The following PLPP3 variants were observed in gnomAD, a reference collection of about 807,000 sequenced individuals.
PLPP3 encodes the protein PAP2 beta.
PLPP3 carries 6 observed loss-of-function variants against 29.6 expected under a neutral mutation model. The ratio of observed to expected loss-of-function variants is 0.20; its 90% CI spans 0.11 to 0.40. The LOEUF is 0.40. Ranked by LOEUF, PLPP3 falls within the 10% of genes least tolerant of loss-of-function variation. PLPP3 has a pLI of 1.00. For synonymous variants in PLPP3, 152 were observed against 159.7 expected (o/e 0.95, Z 0.36); for missense variants, 308 against 407.7 (o/e 0.76, Z 2.11).
At chr1:56,548,999 G>GA (rs1342750333) in intron 1 of PLPP3, among the ~76,000 whole-genome samples, 1 of 152,000 alleles carries the variant, frequency 6.6e-6, no homozygotes, top group African/African-American at 2.4e-5. Context: ...TAATGCTAAG[G>GA]AAAAAAATTA....
At chr1:56,561,966 C>T (rs373083460) in intron 1 of PLPP3, among the ~76,000 whole-genome samples, 1 of 122,670 alleles carries the variant, frequency 8.2e-6, no homozygotes, top group East Asian at 2.9e-4. Flanking sequence ...ACCTGGGAGG[C>T]GGAGGTTGCA....
intron 5 of PLPP3, among the ~76,000 whole-genome samples, chr1:56,501,636 G>T (rs1470769821): frequency 6.6e-6 from 1 of 152,076 alleles, no homozygotes; most frequent in Admixed American, 6.6e-5. Context: ...ATCCCAGGGT[G>T]GAATATGATC....
At chr1:56,565,815 G>C (rs1646157697) in intron 1 of PLPP3, among the ~76,000 whole-genome samples, 1 of 152,104 alleles carries the variant, frequency 6.6e-6, no homozygotes, top group South Asian at 2.1e-4. Context: ...CCATTCTAGG[G>C]TGTCCAGCCT....
intron 1 of PLPP3, among the ~76,000 whole-genome samples, chr1:56,550,435 G>A (rs1646030774): frequency 6.6e-6 from 1 of 152,064 alleles, no homozygotes; most frequent in East Asian, 1.9e-4. Flanking sequence ...CAATGGTTCT[G>A]GAAGCCAGGC....
rs1557513591 is a variant in PLPP3, at chr1:56,557,020, G to GA, written c.140-19909dup. 5.3e-3 allele frequency among the ~76,000 whole-genome samples: 27 copies of GA among 5,060 alleles called. 1 individual carries two copies. The highest frequency in any genetic ancestry group is 0.014 in the Admixed American group (4 of 294). The allele number at this position is 5,060 out of a possible 152,430, so 3.3% of individuals were successfully genotyped here. A position where few individuals can be genotyped will look rare whatever the true frequency, so the allele number is the denominator to read the frequency against. ...AAAGAAAGAAAGAAAGAGAGAGAGAGAGAGAAAGAGAGAGAGAGAGAGAGA... is the reference window on the plus strand; with the variant it reads ...AAAGAAAGAAAGAAAGAGAGAGAGAGAAGAGAAAGAGAGAGAGAGAGAGAGA... On this transcript the variant is annotated intron_variant, in intron 1 of 5. Coordinates refer to ENST00000371250, the MANE Select transcript of PLPP3 (RefSeq NM_003713.5).
At chr1:56,561,229 A>AT (rs199550312) in intron 1 of PLPP3, among the ~76,000 whole-genome samples, 8,919 of 147,234 alleles carry the variant, frequency 0.061, 688 homozygotes, top group African/African-American at 0.17. Flanking sequence ...GTAGGTTAGA[A>AT]TTTTTTTTTT....
chr1:56,524,655 G>A lies in PLPP3; in HGVS notation c.298-101C>T. 2 of 1,294,650 alleles carry A rather than the reference G, an allele frequency of 1.5e-6. No homozygotes were observed. Among genetic ancestry groups the A allele is most frequent in the African/African-American group, 3.0e-5 (2 of 67,288 alleles). The allele number at this position is 1,294,650 out of a possible 1,614,324, so 80.2% of individuals were successfully genotyped here. A position where few individuals can be genotyped will look rare whatever the true frequency, so the allele number is the denominator to read the frequency against. ...CAACACAGGAGAATATTCAGTATTTGCAAAGGAGTGTCCTAATTTTCTATT... is the reference window on the plus strand; with the variant it reads ...CAACACAGGAGAATATTCAGTATTTACAAAGGAGTGTCCTAATTTTCTATT... On this transcript the variant is annotated intron_variant, in intron 2 of 5. Transcript: ENST00000371250. This position sits in a 1 kb window ranked among gnomAD's most constrained non-coding sequence, Gnocchi z 4.3.
At chr1:56,568,505 A>G (rs1646176235) in intron 1 of PLPP3, among the ~76,000 whole-genome samples, 2 of 152,250 alleles carry the variant, frequency 1.3e-5, no homozygotes, top group Non-Finnish European at 2.9e-5. Flanking sequence ...ATAAAAAAGC[A>G]TTTACTAATA....
intron 4 of PLPP3, chr1:56,513,833 G>A (rs1645762781): frequency 6.6e-6 from 1 of 151,988 alleles, no homozygotes; most frequent in African/African-American, 2.4e-5. Flanking sequence ...TGTAAAAGAA[G>A]ATAGCATAGA....
intron 4 of PLPP3, chr1:56,513,164 G>A (rs1227471174): frequency 1.3e-5 from 2 of 152,406 alleles, no homozygotes; most frequent in African/African-American, 2.4e-5. Context: ...ACAGGGTGGA[G>A]TAGAAGAGTA....
intron 1 of PLPP3, among the ~76,000 whole-genome samples, chr1:56,557,070 GAAAGAAAAAATGAGA>G (rs1646088401): frequency 7.7e-6 from 1 of 130,336 alleles, no homozygotes; most frequent in Non-Finnish European, 1.7e-5. Flanking sequence ...AAGAAAGAAA[GAAAGAAAAAATGAGA>G]GAGAGAGAAA....
intron 2 of PLPP3, among the ~76,000 whole-genome samples, chr1:56,527,813 C>G (rs950838567): frequency 2.6e-5 from 4 of 152,172 alleles, no homozygotes; most frequent in African/African-American, 9.7e-5. Context: ...GAAAGGCAGC[C>G]TGAATACCTC....
intron 1 of PLPP3, among the ~76,000 whole-genome samples, chr1:56,537,346 C>T (rs552146004): frequency 9.2e-5 from 14 of 152,212 alleles, no homozygotes; most frequent in African/African-American, 3.4e-4. Flanking sequence ...CTTCTCTTCC[C>T]CAAGAGCTCG....
chr1:56,540,687 T>C (rs1235406293), intron 1 of PLPP3, among the ~76,000 whole-genome samples: 3 of 152,156 alleles, frequency 2.0e-5, no homozygotes, highest in Non-Finnish European at 4.4e-5. Flanking sequence ...TTTTTTTGTC[T>C]CCCCTATAAA....
chr1:56,522,101 T>TAG (rs1316680612), intron 4 of PLPP3, among the ~76,000 whole-genome samples: 1 of 152,198 alleles, frequency 6.6e-6, no homozygotes, highest in African/African-American at 2.4e-5. Flanking sequence ...GGCCTGCAAA[T>TAG]ACCTTTTCTG....
intron 5 of PLPP3, among the ~76,000 whole-genome samples, chr1:56,509,383 G>C (rs575018707): frequency 8.5e-5 from 13 of 152,128 alleles, no homozygotes; most frequent in Non-Finnish European, 2.9e-5. Flanking sequence ...TCAGCTTCAG[G>C]GACCCCTTCT....
In PLPP3 at chr1:56,537,165, G is replaced by A. The variant is rs990611186; in HGVS notation, c.140-53C>T. The A allele has an allele frequency of 5.1e-6, 8 of 1,566,234 alleles. No homozygotes were observed. The African/African-American group carries it at 9.6e-5, about 19-fold the overall frequency. On this transcript the variant is annotated intron_variant, in intron 1 of 5. Transcript: ENST00000371250. ...CCAGAAAAAAAAAGAAAAAAAGGAA[G>A]GGGAAAACATCAGTGCCAAAGAGGA...
intron 5 of PLPP3, among the ~76,000 whole-genome samples, chr1:56,498,049 A>T (rs1350208220): frequency 6.7e-6 from 1 of 149,666 alleles, no homozygotes; most frequent in Non-Finnish European, 1.5e-5. Context: ...TTTGTTGTTA[A>T]AAAAAAAAAG....
At chr1:56,543,957 C>T (rs778974339) in intron 1 of PLPP3, among the ~76,000 whole-genome samples, 5 of 152,154 alleles carry the variant, frequency 3.3e-5, no homozygotes, top group Non-Finnish European at 7.4e-5. Flanking sequence ...TCCAACTCAA[C>T]AAACAAGTAT....
Sources: gnomAD v4.1 joint callset for allele counts (sites outside exome capture counted in the v4.1 genomes callset) on GRCh38, gnomAD v4.1.1 for gene constraint, Gnocchi (gnomAD v3.1) non-coding constraint, MANE v1.5 for transcripts, NCBI Gene and HGNC (gene_info 2026-07-23, HGNC 2026-07-21) for gene names.